The following SEC13 variants were observed in gnomAD, a reference collection of about 807,000 sequenced individuals.
SEC13 encodes the protein protein SEC13 homolog.
Under a neutral mutation model 49.2 loss-of-function variants are expected in SEC13, and 25 were observed. The observed-to-expected ratio is 0.51, with a 90% CI of 0.37 to 0.71. The LOEUF is 0.71. Among genes scored for constraint, SEC13 ranks in the 30% least tolerant of loss-of-function variants. The pLI is 0.00. For missense variants in SEC13, 383 were observed against 417.6 expected, an observed-to-expected ratio of 0.92 and a Z score of 0.72; for synonymous variants, 148 against 163.9, an observed-to-expected ratio of 0.90 and a Z score of 0.74.
chr3:10,311,637 ACCACT>A (rs1456351857), intron 5 of SEC13: 1 of 1,155,086 alleles, frequency 8.7e-7, no homozygotes, highest in Non-Finnish European at 1.1e-6. Context: ...TTTTAATAAC[ACCACT>A]CCATTCTACA....
rs1251503542 is a variant in SEC13, at chr3:10,301,245, G to C, written c.*16C>G. On this transcript the variant is annotated 3_prime_UTR_variant, in exon 9 of 9. Transcript: ENST00000350697. ...CCTGGAGCTGGCGGGTGGGGAGCCA[G>C]GCCCCACCTGTCTTGTCACTGCTCG... is the stretch of plus-strand genomic sequence containing the variant. The C allele has an allele frequency of 6.2e-7, 1 of 1,614,188 alleles. No homozygotes were observed. The highest frequency in any genetic ancestry group is 8.5e-7 in the Non-Finnish European group (1 of 1,180,040).
intron 5 of SEC13, among the ~76,000 whole-genome samples, chr3:10,307,178 C>G (rs1183375042): frequency 6.6e-6 from 1 of 151,486 alleles, no homozygotes; most frequent in Admixed American, 6.6e-5. Context: ...CCTCAGACTC[C>G]CAAAGTACTG....
chr3:10,304,932 C>A, intron 7 of SEC13, 101 bp downstream of exon 7: 6 of 1,568,454 alleles, frequency 3.8e-6, no homozygotes, highest in Non-Finnish European at 4.3e-6. Flanking sequence ...GCCTGTTGCT[C>A]TCCCTTTACC....
At chr3:10,307,096 G>A (rs761023127) in intron 5 of SEC13, among the ~76,000 whole-genome samples, 4 of 151,892 alleles carry the variant, frequency 2.6e-5, no homozygotes, top group Non-Finnish European at 5.9e-5. Flanking sequence ...CTGTCACCCA[G>A]GCTAGAGTGC....
intron 8 of SEC13, 122 bp from the exon 9 acceptor site, chr3:10,301,496 G>GT: frequency 8.0e-7 from 1 of 1,256,920 alleles, no homozygotes; most frequent in Non-Finnish European, 1.1e-6. Flanking sequence ...AACAGAGCAT[G>GT]TCCCTCCTCC....
intron 2 of SEC13, among the ~76,000 whole-genome samples, chr3:10,315,685 G>A (rs1381390572): frequency 2.6e-5 from 4 of 152,198 alleles, no homozygotes; most frequent in African/African-American, 9.7e-5. Flanking sequence ...CATACCTCAG[G>A]GAAGGGCTCT....
At chr3:10,308,204 A>G (rs1414297343) in intron 5 of SEC13, among the ~76,000 whole-genome samples, 2 of 152,150 alleles carry the variant, frequency 1.3e-5, no homozygotes, top group African/African-American at 4.8e-5. Context: ...ATCATTCCCA[A>G]AAGTTTCCTC....
intron 2 of SEC13, among the ~76,000 whole-genome samples, chr3:10,317,711 G>C (rs1701692085): frequency 6.6e-6 from 1 of 152,096 alleles, no homozygotes. Flanking sequence ...GCAGGAGGAA[G>C]ACAGGTGGGA....
intron 2 of SEC13, among the ~76,000 whole-genome samples, chr3:10,316,430 C>T (rs1349403681): frequency 6.6e-6 from 1 of 152,148 alleles, no homozygotes; most frequent in Non-Finnish European, 1.5e-5. Context: ...TCTTTGGGAA[C>T]TCCCTCCACT....
At chr3:10,317,510 G>A (rs185402228) in intron 2 of SEC13, among the ~76,000 whole-genome samples, 1 of 152,078 alleles carries the variant, frequency 6.6e-6, no homozygotes, top group Admixed American at 6.5e-5. Flanking sequence ...ACTGAGCCTT[G>A]TGTTTACCTC....
At chr3:10,307,094 CAGGCTAG>C (rs1002219838) in intron 5 of SEC13, among the ~76,000 whole-genome samples, 1 of 152,006 alleles carries the variant, frequency 6.6e-6, no homozygotes, top group Non-Finnish European at 1.5e-5. Context: ...CACTGTCACC[CAGGCTAG>C]AGTGCAGGCT....
chr3:10,319,475 G>A (rs1488256091), intron 1 of SEC13, among the ~76,000 whole-genome samples: 1 of 152,114 alleles, frequency 6.6e-6, no homozygotes, highest in African/African-American at 2.4e-5. Flanking sequence ...AGAAGAGAAA[G>A]CACTTGCCAA....
At chr3:10,314,362 C>T (rs193148107) in intron 3 of SEC13, among the ~76,000 whole-genome samples, 188 of 152,312 alleles carry the variant, frequency 1.2e-3, no homozygotes, top group Admixed American at 4.1e-3. Context: ...CAAACCCTAG[C>T]GGCAGGTCTA....
intron 3 of SEC13, 30 bp downstream of exon 3, chr3:10,315,291 G>C (rs1291089128): frequency 6.6e-7 from 1 of 1,515,468 alleles, no homozygotes; most frequent in Non-Finnish European, 9.2e-7. Context: ...ACCATTCCTG[G>C]AGCCCTTCCC....
In SEC13 at chr3:10,301,266, G is replaced by A. The variant is rs1466859147; in HGVS notation, c.964C>T (p.Gln322Ter). Residue 322 changes from glutamine to a stop codon, truncating the protein, a stop_gained, in exon 9 of 9, where the codon CAG becomes TAG. Coordinates refer to ENST00000350697, the MANE Select transcript of SEC13 (RefSeq NM_183352.3). LOFTEE classifies it high-confidence loss of function. ...ASVTEGQQNE[Q>*] Reference sequence around the variant, plus strand: ...GCCAGGCCCCACCTGTCTTGTCACTGCTCGTTCTGCTGGCCCTCTGTCACT... The same window carrying A: ...GCCAGGCCCCACCTGTCTTGTCACTACTCGTTCTGCTGGCCCTCTGTCACT... 4 of 1,614,162 alleles carry A rather than the reference G, an allele frequency of 2.5e-6. No homozygotes were observed. The South Asian group carries it at 3.3e-5, about 13-fold the overall frequency.
chr3:10,305,641 T>C lies in SEC13; in HGVS notation c.502A>G (p.Ile168Val). 1.2e-6 allele frequency: 2 copies of C among 1,614,230 alleles called. No homozygotes were observed. The highest frequency in any genetic ancestry group is 2.2e-5 in the East Asian group (1 of 44,894). ...WAPAVVPGSLIDHPSGQKPNY... is the reference protein window; with the variant it reads ...WAPAVVPGSLVDHPSGQKPNY... Reference sequence around the variant, plus strand: ...GGTTTCTGCCCCGATGGGTGGTCTATGAGGCTTCCAGGTACAACAGCAGGG... The same window carrying C: ...GGTTTCTGCCCCGATGGGTGGTCTACGAGGCTTCCAGGTACAACAGCAGGG... Residue 168 changes from isoleucine (I) to valine (V), a missense_variant, in exon 6 of 9, where the codon ATA becomes GTA. Physicochemically the swap from Ile to Val is conservative, Grantham distance 29. Transcript: ENST00000350697.
In SEC13 at chr3:10,305,114, T is replaced by C; in HGVS notation, c.627A>G (p.Glu209=). 6.2e-7 allele frequency: 1 copy of C among 1,614,022 alleles called. No homozygotes were observed. The change falls in exon 7 of 9, where the codon GAA becomes GAG. Residue 209 remains glutamate, a synonymous_variant. Coordinates refer to ENST00000350697, the MANE Select transcript of SEC13 (RefSeq NM_183352.3). Reference sequence around the variant, plus strand: ...CATCTCGAACCCAGTCACTGTGCGCTTCTAGCTTCTGCTCCTCCTTCCACT... The same window carrying C: ...CATCTCGAACCCAGTCACTGTGCGCCTCTAGCTTCTGCTCCTCCTTCCACT... ...DGQWKEEQKL[E]AHSDWVRDVA... is the part of the protein sequence containing the mutation.
At chr3:10,318,394 G>A (rs1057439143) in intron 1 of SEC13, among the ~76,000 whole-genome samples, 6 of 151,946 alleles carry the variant, frequency 3.9e-5, no homozygotes, top group Admixed American at 2.6e-4. Context: ...GACACGAATT[G>A]AGCCCTAGAT....
chr3:10,321,085 G>A lies in SEC13; in HGVS notation c.-33C>T. On this transcript the variant is annotated 5_prime_UTR_variant, in exon 1 of 9. It adds an upstream start codon to the 5' untranslated region. Coordinates refer to ENST00000350697, the MANE Select transcript of SEC13 (RefSeq NM_183352.3). The surrounding 1 kb of genome is among the most constrained non-coding windows in gnomAD (Gnocchi z 4.1). ...GCGGTGGCTGCTCCAGGTCTCGGAC[G>A]TGGCAGCTCCCGGCGGCGCCTCGGA... 2 of 1,612,592 alleles carry A rather than the reference G, an allele frequency of 1.2e-6. No homozygotes were observed. Among genetic ancestry groups the A allele is most frequent in the African/African-American group, 1.3e-5 (1 of 74,826 alleles).
Sources: allele counts gnomAD v4.1 joint callset (sites outside exome capture counted in the v4.1 genomes callset), GRCh38; gene constraint gnomAD v4.1.1; non-coding constraint Gnocchi (gnomAD v3.1); transcripts MANE v1.5; gene names NCBI Gene and HGNC (gene_info 2026-07-23, HGNC 2026-07-21).